The following RIMS1 variants were observed in gnomAD, a reference collection of about 807,000 sequenced individuals.
RIMS1 encodes regulating synaptic membrane exocytosis 1.
A neutral mutation model predicts 214.1 loss-of-function variants in RIMS1; 83 were observed. The observed-to-expected ratio is 0.39, with a 90% CI of 0.32 to 0.47. The LOEUF (loss-of-function observed/expected upper bound fraction) is 0.47, where lower values mean the gene tolerates loss of function less well. RIMS1 is among the 20% of genes least tolerant of loss of function. RIMS1 has a pLI of 0.99. For missense variants in RIMS1, 2,050 were observed against 2,161.8 expected (o/e 0.95, Z 1.03); for synonymous variants, 793 against 786.8 (o/e 1.01, Z -0.13).
At chr6:72,136,257 TGAA>T (rs2041259366) in intron 4 of RIMS1, among the ~76,000 whole-genome samples, 4 of 151,544 alleles carry the variant, frequency 2.6e-5, no homozygotes, top group Non-Finnish European at 5.9e-5. Flanking sequence ...TTCCAGAAGA[TGAA>T]AAAAGAAAAT....
intron 6 of RIMS1, among the ~76,000 whole-genome samples, chr6:72,202,062 C>T (rs1173100001): frequency 6.6e-6 from 1 of 152,146 alleles, no homozygotes; most frequent in Non-Finnish European, 1.5e-5. Context: ...CTTTGTATGT[C>T]TTGTTTTAAC....
At chr6:72,107,638 G>A (rs2153815979) in intron 4 of RIMS1, among the ~76,000 whole-genome samples, 1 of 152,288 alleles carries the variant, frequency 6.6e-6, no homozygotes, top group East Asian at 1.9e-4. Context: ...AAATAGTTCA[G>A]TGGTGATGAT....
At chr6:72,190,423 A>G (rs2049876095) in intron 6 of RIMS1, among the ~76,000 whole-genome samples, 1 of 149,622 alleles carries the variant, frequency 6.7e-6, no homozygotes, top group East Asian at 2.0e-4. Context: ...AGATCGCGCC[A>G]TTGCACTCCA....
chr6:72,360,269 C>T (rs2097774699), intron 29 of RIMS1, among the ~76,000 whole-genome samples: 1 of 152,076 alleles, frequency 6.6e-6, no homozygotes, highest in Admixed American at 6.6e-5. Context: ...CTATAAACAC[C>T]CTCTGAATAA....
rs565078907 is a variant in RIMS1, at chr6:72,155,371, C to G, written c.472-24204C>G. On this transcript the variant is annotated intron_variant, in intron 4 of 33. Coordinates refer to ENST00000521978, the MANE Select transcript of RIMS1 (RefSeq NM_014989.7). ...TCTTCCTCCAGATACCCTAAATCAT[C>G]TCTCTGAGCCCTCCAAACTGTTCCA... is the stretch of plus-strand genomic sequence containing the variant. Among the ~76,000 whole-genome samples the G allele has an allele frequency of 1.4e-5, 2 of 140,610 alleles. 1 individual carries two copies. The highest frequency in any genetic ancestry group is 4.7e-4 in the South Asian group (2 of 4,264). 92.2% of individuals were successfully genotyped at this position (140,610 alleles called of 152,430 possible).
intron 29 of RIMS1, among the ~76,000 whole-genome samples, chr6:72,344,197 T>C (rs2097187388): frequency 6.6e-6 from 1 of 151,848 alleles, no homozygotes; most frequent in African/African-American, 2.4e-5. Flanking sequence ...CTACTTTATT[T>C]ACCTTGGGAA....
intron 1 of RIMS1, among the ~76,000 whole-genome samples, chr6:71,920,335 A>G (rs1236644398): frequency 2.6e-5 from 4 of 152,250 alleles, no homozygotes; most frequent in African/African-American, 4.8e-5. Flanking sequence ...GTCATATAGC[A>G]TGGTTGATTT....
At chr6:72,255,841 G>A (rs2075581997) in intron 16 of RIMS1, among the ~76,000 whole-genome samples, 2 of 151,944 alleles carry the variant, frequency 1.3e-5, no homozygotes, top group South Asian at 4.2e-4. Context: ...TTCGAGACCA[G>A]CCTGCCCAAT....
chr6:71,986,284 T>C (rs1799948081), intron 2 of RIMS1, among the ~76,000 whole-genome samples: 2 of 151,618 alleles, frequency 1.3e-5, no homozygotes, highest in Non-Finnish European at 1.5e-5. Context: ...AAAGAATGGC[T>C]CATAATAGGA....
chr6:71,888,297 G>A (rs769305450), intron 1 of RIMS1, among the ~76,000 whole-genome samples: 12 of 152,212 alleles, frequency 7.9e-5, no homozygotes, highest in Non-Finnish European at 1.3e-4. Context: ...GCAGGGGAAT[G>A]TAGGGGCCCT....
At chr6:71,970,642 T>C (rs1795626083) in intron 2 of RIMS1, among the ~76,000 whole-genome samples, 1 of 152,226 alleles carries the variant, frequency 6.6e-6, no homozygotes, top group African/African-American at 2.4e-5. Context: ...TTGTGGAAAC[T>C]TCCCTGTGGC....
chr6:72,168,312 G>A (rs2046547955), intron 4 of RIMS1, among the ~76,000 whole-genome samples: 1 of 152,184 alleles, frequency 6.6e-6, no homozygotes, highest in South Asian at 2.1e-4. Flanking sequence ...AAGAGTGAAA[G>A]TTTATTTAAA....
chr6:71,891,930 T>C (rs926447191), intron 1 of RIMS1, among the ~76,000 whole-genome samples: 11 of 152,210 alleles, frequency 7.2e-5, no homozygotes, highest in African/African-American at 2.7e-4. Context: ...TATCCGCCCA[T>C]ACCTGTAATA....
rs147946574 is a variant in RIMS1 at position 71,984,114 on chromosome 6, C to A, written c.245+15051C>A. 2.2e-3 allele frequency among the ~76,000 whole-genome samples: 335 copies of A among 152,166 alleles called. 1 individual carries two copies. The highest frequency in any genetic ancestry group is 6.8e-3 in the Middle Eastern group (2 of 294). The stretch of plus-strand genomic sequence containing the variant: ...TAGTTGGTTATTTCAATAGCTATAA[C>A]CAGAATGTATTAGAGACAAGGAAAC... On this transcript the variant is annotated intron_variant, in intron 2 of 33. Coordinates refer to ENST00000521978, the MANE Select transcript of RIMS1 (RefSeq NM_014989.7).
At chr6:71,918,836 G>A (rs1464041182) in intron 1 of RIMS1, among the ~76,000 whole-genome samples, 1 of 152,124 alleles carries the variant, frequency 6.6e-6, no homozygotes, top group Admixed American at 6.5e-5. Context: ...GACCAGGAGG[G>A]TAGTAGATGT....
chr6:71,970,635 T>A (rs1583786232), intron 2 of RIMS1, among the ~76,000 whole-genome samples: 1 of 152,230 alleles, frequency 6.6e-6, no homozygotes, highest in African/African-American at 2.4e-5. Flanking sequence ...TTGCACCTTG[T>A]GGAAACTTCC....
At chr6:72,093,787 A>G (rs2030077954) in intron 2 of RIMS1, among the ~76,000 whole-genome samples, 1 of 151,994 alleles carries the variant, frequency 6.6e-6, no homozygotes, top group African/African-American at 2.4e-5. Context: ...TTTTTCCGCT[A>G]CTGGTTTGGA....
At chr6:72,058,085 T>G (rs557640590) in intron 2 of RIMS1, among the ~76,000 whole-genome samples, 30 of 152,344 alleles carry the variant, frequency 2.0e-4, no homozygotes, top group Admixed American at 1.8e-3. Flanking sequence ...CACCTGAAGG[T>G]GGATATAAAG....
intron 5 of RIMS1, among the ~76,000 whole-genome samples, chr6:72,181,656 G>A (rs990775421): frequency 6.6e-6 from 1 of 152,216 alleles, no homozygotes; most frequent in Non-Finnish European, 1.5e-5. Flanking sequence ...GGAAAGCAAT[G>A]AGGAATTGGG....
Sources: allele counts gnomAD v4.1 joint callset (sites outside exome capture counted in the v4.1 genomes callset), GRCh38; gene constraint gnomAD v4.1.1; transcripts MANE v1.5; gene names NCBI Gene and HGNC (gene_info 2026-07-23, HGNC 2026-07-21).